The following NOP14 variants were observed in gnomAD, a reference collection of about 807,000 sequenced individuals.
NOP14 encodes NOP14 nucleolar protein, also known as nucleolar protein 14.
A neutral mutation model predicts 101.6 loss-of-function variants in NOP14; 57 were observed. The observed-to-expected ratio is 0.56, with a 90% CI of 0.45 to 0.70. The LOEUF (loss-of-function observed/expected upper bound fraction) is 0.70. NOP14 is among the 30% of genes least tolerant of loss of function. The pLI, the probability that NOP14 is intolerant of heterozygous loss-of-function variation, is 0.00. For synonymous variants in NOP14, 428 were observed against 424.0 expected (o/e 1.01, Z -0.12); for missense variants, 1,134 against 1,075.5 (o/e 1.05, Z -0.76).
chr4:2,949,636 G>A (rs1714879577), intron 8 of NOP14, among the ~76,000 whole-genome samples: 1 of 152,166 alleles, frequency 6.6e-6, no homozygotes. Context: ...CCCCAGCCCT[G>A]CCCCTCTGGT....
chr4:2,948,832 C>G (rs1334936173), intron 8 of NOP14, among the ~76,000 whole-genome samples: 3 of 152,218 alleles, frequency 2.0e-5, no homozygotes, highest in African/African-American at 7.2e-5. Context: ...TTCTACTTCA[C>G]GATCACAACA....
At chr4:2,946,954 ACT>A (rs1433902092) in intron 10 of NOP14, 1 of 234,434 alleles carries the variant, frequency 4.3e-6, no homozygotes, top group Admixed American at 5.2e-5. Context: ...GCTGGTGTGC[ACT>A]CTCATGGATC....
At position 2,958,385 on chromosome 4, in the gene NOP14, A is replaced by G. The variant is rs372010777; in HGVS notation, c.196-645T>C. 7.5e-4 allele frequency among the ~76,000 whole-genome samples: 115 copies of G among 152,364 alleles called. 1 individual carries two copies. The highest frequency in any genetic ancestry group is 2.6e-3 in the African/African-American group (110 of 41,588). On this transcript the variant is annotated intron_variant, in intron 1 of 17. Transcript: ENST00000416614. The stretch of plus-strand genomic sequence containing the variant: ...TCCCTAAAGAAAGCTGTGAGAGGAC[A>G]GAGATGGGTGAGGAACGAGTGGCCT...
At chr4:2,950,880 G>A in intron 7 of NOP14, 1 of 409,818 alleles carries the variant, frequency 2.4e-6, no homozygotes, top group Non-Finnish European at 4.2e-6. Context: ...TTGAGACAGA[G>A]AGAGAGAGTG....
chr4:2,939,766 G>T, intron 15 of NOP14, 121 bp from the exon 16 acceptor site: 1 of 791,730 alleles, frequency 1.3e-6, no homozygotes, highest in Non-Finnish European at 2.2e-6. Context: ...CCTGCAGCAG[G>T]ATGGTGCCCT....
chr4:2,941,496 C>G (rs1438994474), intron 15 of NOP14, 86 bp downstream of exon 15: 2 of 1,287,778 alleles, frequency 1.6e-6, no homozygotes, highest in South Asian at 1.4e-5. Flanking sequence ...GCTGCAGCAT[C>G]AAATGACTGA....
chr4:2,958,196 A>G (rs1246482708), intron 1 of NOP14, among the ~76,000 whole-genome samples: 1 of 152,240 alleles, frequency 6.6e-6, no homozygotes, highest in Non-Finnish European at 1.5e-5. Context: ...GGCAATAAAC[A>G]AGTTAGCGAG....
intron 13 of NOP14, among the ~76,000 whole-genome samples, chr4:2,943,396 G>A (rs1367278437): frequency 6.6e-6 from 1 of 152,260 alleles, no homozygotes; most frequent in African/African-American, 2.4e-5. Context: ...CACAGACATG[G>A]AAGAGCTCAG....
At chr4:2,951,336 C>T (rs1470767569) in intron 6 of NOP14, 91 bp from the exon 7 acceptor site, 1 of 1,192,356 alleles carries the variant, frequency 8.4e-7, no homozygotes, top group East Asian at 2.4e-5. Context: ...GCGGGCTGGG[C>T]CTACGGTCCT....
rs145122268 is a variant in NOP14, at chr4:2,950,117, C to T, written c.1099G>A (p.Gly367Arg). The T allele has an allele frequency of 6.8e-6, 11 of 1,614,074 alleles. No individual in the cohort carries two copies. The highest frequency in any genetic ancestry group is 4.0e-5 in the African/African-American group (3 of 74,912). The change falls in exon 8 of 18, where the codon GGG becomes AGG. Residue 367 changes from glycine to arginine, a missense_variant. Coordinates refer to ENST00000416614, the MANE Select transcript of NOP14 (RefSeq NM_001291978.2). ...SNEEEGDSSG[G>R]EDTEESDSPD... is the part of the protein sequence containing the mutation. ...CTGTCGCTCTCCTCTGTGTCCTCCC[C>T]GCCTGAACTGTCACCTTCTTCCTCG...
chr4:2,939,161 C>G (rs145668814), intron 17 of NOP14, 27 bp downstream of exon 17: 1 of 1,612,968 alleles, frequency 6.2e-7, no homozygotes, highest in Admixed American at 1.7e-5. Context: ...ACACCACAAT[C>G]GTGTCGCACA....
chr4:2,946,418 C>T lies in NOP14; in HGVS notation c.1629G>A (p.Leu543=). ...TAGACTGAACTCTGCTTACCACATC[C>T]AACCCTGGCAATGCCGCCCGGCCTT... ...ETKGRAALPG[L]DVLIYLKITG... Residue 543 remains leucine, a synonymous_variant, in exon 11 of 18, where the codon TTG becomes TTA. Coordinates refer to ENST00000416614, the MANE Select transcript of NOP14 (RefSeq NM_001291978.2). 4 of 1,614,236 alleles carry T rather than the reference C, an allele frequency of 2.5e-6. No individual in the cohort carries two copies. Among genetic ancestry groups the T allele is most frequent in the Non-Finnish European group, 3.4e-6 (4 of 1,180,020 alleles).
At position 2,941,846 on chromosome 4, in the gene NOP14, C is replaced by A. The variant is rs371463236; in HGVS notation, c.2052-117G>T. ...ACTAGGCTGAAAACTCCAGTGTGGC[C>A]ACCTTGGCCGGCCAGGGTTGGGCCC... On this transcript the variant is annotated intron_variant, in intron 14 of 17. Coordinates refer to ENST00000416614, the MANE Select transcript of NOP14 (RefSeq NM_001291978.2). 6.9e-5 allele frequency: 87 copies of A among 1,256,718 alleles called. 1 individual carries two copies. The African/African-American group carries it at 1.1e-3, about 15-fold the overall frequency. The allele number at this position is 1,256,718 out of a possible 1,614,324, so 77.8% of individuals were successfully genotyped here.
At position 2,963,314 on chromosome 4, in the gene NOP14, C is replaced by T; in HGVS notation, c.6G>A (p.Ala2=). 6.3e-7 allele frequency: 1 copy of T among 1,575,854 alleles called. No individual in the cohort carries two copies. Residue 2 remains alanine, a synonymous_variant, in exon 1 of 18, where the codon GCG becomes GCA. Transcript: ENST00000416614. ...TTCGCGCCCCGACCTTCTTCGCCTTCGCCATGGCGCGCGCCCCGCTGCGCC... is the reference window on the plus strand; with the variant it reads ...TTCGCGCCCCGACCTTCTTCGCCTTTGCCATGGCGCGCGCCCCGCTGCGCC... M[A]KAKKVGARRK... is the part of the protein sequence containing the mutation.
intron 15 of NOP14, chr4:2,940,376 C>T (rs1206163308): frequency 3.3e-5 from 5 of 152,382 alleles, no homozygotes; most frequent in South Asian, 4.1e-4. Flanking sequence ...CTTCGAGTGC[C>T]GGAATGCCTC....
At chr4:2,947,133 T>C in intron 10 of NOP14, 1 of 270,600 alleles carries the variant, frequency 3.7e-6, no homozygotes, top group Non-Finnish European at 7.0e-6. Flanking sequence ...ACACACTCCC[T>C]GGCATGCAAA....
intron 1 of NOP14, chr4:2,961,695 C>G (rs1231319361): frequency 2.0e-5 from 3 of 152,306 alleles, no homozygotes; most frequent in African/African-American, 7.2e-5. Flanking sequence ...GCTCACTCCC[C>G]TTGCAAAACT....
In NOP14 at chr4:2,944,337, A is replaced by G. The variant is rs1233718937; in HGVS notation, c.1738-111T>C. 4.5e-6 allele frequency: 4 copies of G among 879,396 alleles called. No individual in the cohort carries two copies. In the African/African-American group the frequency reaches 5.1e-5, roughly 11 times the overall value. 54.5% of individuals were successfully genotyped at this position (879,396 alleles called of 1,614,324 possible). On this transcript the variant is annotated intron_variant, in intron 12 of 17. Transcript: ENST00000416614. Reference sequence around the variant, plus strand: ...GCACCCCACTGAGCTTCACAAGTACAGAGGGAACCCCCGCACCTTATAGCA... The same window carrying G: ...GCACCCCACTGAGCTTCACAAGTACGGAGGGAACCCCCGCACCTTATAGCA...
chr4:2,961,185 T>C (rs1172548747), intron 1 of NOP14, among the ~76,000 whole-genome samples: 1 of 664 alleles, frequency 1.5e-3, no homozygotes, highest in African/African-American at 8.1e-3. Flanking sequence ...AATAATATAT[T>C]AATATGCTAA....
Sources: gnomAD v4.1 joint callset for allele counts (sites outside exome capture counted in the v4.1 genomes callset) on GRCh38, gnomAD v4.1.1 for gene constraint, MANE v1.5 for transcripts, NCBI Gene and HGNC (gene_info 2026-07-23, HGNC 2026-07-21) for gene names.